Variants in ANKFN1 observed in about 807,000 individuals in gnomAD.
ANKFN1 encodes ankyrin repeat and fibronectin type III domain containing 1, also known as ankyrin repeat and fibronectin type-III domain-containing protein 1.
In ANKFN1, 74 loss-of-function variants were observed where a neutral mutation model predicts 108.7. The ratio of observed to expected loss-of-function variants is 0.68; its 90% CI spans 0.56 to 0.83. ANKFN1 has a LOEUF of 0.83. ANKFN1 is among the 40% of genes least tolerant of loss of function. The pLI, the probability that ANKFN1 is intolerant of heterozygous loss-of-function variation, is 0.00. For missense variants in ANKFN1, 1,505 were observed against 1,382.3 expected, an observed-to-expected ratio of 1.09 and a Z score of -1.41; for synonymous variants, 547 against 516.2, an observed-to-expected ratio of 1.06 and a Z score of -0.81.
chr17:56,491,401 A>T (rs567147279), intron 18 of ANKFN1, among the ~76,000 whole-genome samples: 75 of 152,336 alleles, frequency 4.9e-4, no homozygotes, highest in African/African-American at 1.7e-3. Context: ...GTATAAGATC[A>T]GAGCTGGTCA....
intron 4 of ANKFN1, among the ~76,000 whole-genome samples, chr17:56,134,475 C>T (rs577379530): frequency 6.6e-6 from 1 of 152,212 alleles, no homozygotes; most frequent in African/African-American, 2.4e-5. Flanking sequence ...CAGGAGCCCA[C>T]CAAGAGTAAC....
At chr17:56,367,822 G>C (rs1471878543) in intron 6 of ANKFN1, among the ~76,000 whole-genome samples, 1 of 152,116 alleles carries the variant, frequency 6.6e-6, no homozygotes, top group African/African-American at 2.4e-5. Flanking sequence ...AACAGACATA[G>C]CCTTTCTATT....
chr17:56,323,221 G>A (rs2045418888), intron 3 of ANKFN1: 1 of 152,122 alleles, frequency 6.6e-6, no homozygotes, highest in African/African-American at 2.4e-5. Flanking sequence ...GTGGAGTAAT[G>A]GGGGAGGAGT....
intron 8 of ANKFN1, among the ~76,000 whole-genome samples, chr17:56,411,643 T>A (rs1188492189): frequency 6.6e-6 from 1 of 152,210 alleles, no homozygotes; most frequent in Non-Finnish European, 1.5e-5. Context: ...ATGGTCTTTA[T>A]TGTATTGAGG....
chr17:56,176,470 T>C (rs1427020636), intron 1 of ANKFN1, among the ~76,000 whole-genome samples: 1 of 152,214 alleles, frequency 6.6e-6, no homozygotes, highest in East Asian at 1.9e-4. Context: ...TCGGAGTGTT[T>C]GTTATAGGTT....
intron 11 of ANKFN1, among the ~76,000 whole-genome samples, chr17:56,452,859 G>A (rs2049540011): frequency 6.6e-6 from 1 of 151,976 alleles, no homozygotes; most frequent in East Asian, 1.9e-4. Context: ...TTCAAATCTG[G>A]GCTGTACTTT....
At chr17:56,170,805 T>TATATATATATAC in intron 1 of ANKFN1, among the ~76,000 whole-genome samples, 1 of 72,144 alleles carries the variant, frequency 1.4e-5, no homozygotes, top group African/African-American at 5.6e-5. Flanking sequence ...TATATATATA[T>TATATATATATAC]ATACACACAC....
chr17:56,411,468 T>C (rs542344133), intron 8 of ANKFN1, among the ~76,000 whole-genome samples: 1 of 152,202 alleles, frequency 6.6e-6, no homozygotes, highest in Non-Finnish European at 1.5e-5. Context: ...CCTGTATGAA[T>C]GTCTTTTTAT....
intron 4 of ANKFN1, among the ~76,000 whole-genome samples, chr17:56,119,048 C>A (rs1419873388): frequency 6.6e-6 from 1 of 152,010 alleles, no homozygotes; most frequent in Non-Finnish European, 1.5e-5. Context: ...AATATGATTT[C>A]TATTTTGAAC....
chr17:56,255,712 C>T (rs752871137), intron 3 of ANKFN1, among the ~76,000 whole-genome samples: 5 of 152,280 alleles, frequency 3.3e-5, no homozygotes, highest in South Asian at 2.1e-4. Context: ...TATTATATAT[C>T]GCACAGCATT....
At chr17:56,210,000 A>G (rs1914847960) in intron 1 of ANKFN1, among the ~76,000 whole-genome samples, 1 of 152,272 alleles carries the variant, frequency 6.6e-6, no homozygotes, top group East Asian at 1.9e-4. Flanking sequence ...CCGTTAATTC[A>G]TTCCTTTTCA....
At chr17:56,431,116 T>G (rs2048740122) in intron 8 of ANKFN1, among the ~76,000 whole-genome samples, 2 of 152,122 alleles carry the variant, frequency 1.3e-5, no homozygotes, top group Admixed American at 1.3e-4. Context: ...GAACCAAAAC[T>G]AGCAGATGGA....
intron 10 of ANKFN1, among the ~76,000 whole-genome samples, chr17:56,446,009 C>T (rs1011253792): frequency 6.6e-6 from 1 of 152,184 alleles, no homozygotes; most frequent in Non-Finnish European, 1.5e-5. Context: ...TCTCCCTCAT[C>T]CCTAAAGTCT....
intron 4 of ANKFN1, among the ~76,000 whole-genome samples, chr17:56,093,468 A>G (rs915790347): frequency 1.3e-5 from 2 of 151,248 alleles, no homozygotes; most frequent in Non-Finnish European, 3.0e-5. Context: ...CCATTTGCTT[A>G]TGCACAATTT....
chr17:56,065,769 C>T (rs2143122362), intron 4 of ANKFN1, among the ~76,000 whole-genome samples: 1 of 152,182 alleles, frequency 6.6e-6, no homozygotes, highest in African/African-American at 2.4e-5. Flanking sequence ...AGAATAGAAA[C>T]ATCACAGATC....
At chr17:56,424,900 A>G (rs1049088976) in intron 8 of ANKFN1, among the ~76,000 whole-genome samples, 1 of 152,122 alleles carries the variant, frequency 6.6e-6, no homozygotes, top group African/African-American at 2.4e-5. Context: ...GCTCACCTCA[A>G]CTCCAACCAA....
At chr17:56,380,617 C>T (rs527421786) in intron 8 of ANKFN1, among the ~76,000 whole-genome samples, 3 of 152,328 alleles carry the variant, frequency 2.0e-5, no homozygotes, top group African/African-American at 2.4e-5. Context: ...TAAAAAACAG[C>T]GCACCAGGAG....
chr17:56,473,639 C>T (rs2050399794), intron 15 of ANKFN1: 1 of 132,670 alleles, frequency 7.5e-6, no homozygotes, highest in Non-Finnish European at 1.6e-5. Context: ...CAAAGTGAGA[C>T]TCCGTCTCAA....
chr17:56,238,452 A>G (rs140475754), intron 3 of ANKFN1, among the ~76,000 whole-genome samples: 15 of 152,278 alleles, frequency 9.9e-5, no homozygotes, highest in African/African-American at 3.1e-4. Context: ...TGCTTTACGA[A>G]TCAAGGTGCT....
Sources: gnomAD v4.1 joint callset for allele counts (sites outside exome capture counted in the v4.1 genomes callset) on GRCh38, gnomAD v4.1.1 for gene constraint, MANE v1.5 for transcripts, NCBI Gene and HGNC (gene_info 2026-07-23, HGNC 2026-07-21) for gene names.